SERP2: variants seen among roughly 807,000 people sequenced by gnomAD.
SERP2 encodes stress-associated endoplasmic reticulum protein 2.
Under a neutral mutation model 9.1 loss-of-function variants are expected in SERP2, and 6 were observed. The ratio of observed to expected loss-of-function variants is 0.66; its 90% confidence interval spans 0.36 to 1.30. SERP2 has a LOEUF of 1.30. Among genes scored for constraint, SERP2 ranks in the 50% most tolerant of loss-of-function variants. SERP2 has a pLI of 0.03. For missense variants in SERP2, 58 were observed against 81.9 expected (o/e 0.71, Z 1.13); for synonymous variants, 37 against 27.3 (o/e 1.35, Z -1.10).
Position 44,373,998 on chromosome 13 carries a change from G to A in SERP2, c.-28G>A, listed in dbSNP as rs1381251704. 36 of 1,580,258 alleles carry A rather than the reference G, an allele frequency of 2.3e-5. No homozygotes were observed. The highest frequency in any genetic ancestry group is 2.8e-5 in the Non-Finnish European group (33 of 1,161,154). ...AGCTAACGCAGGGGGAATCCTTGCAGGTGGGAGCATTTCAGAGCGCACAAG... is the reference window on the plus strand; with the variant it reads ...AGCTAACGCAGGGGGAATCCTTGCAAGTGGGAGCATTTCAGAGCGCACAAG... On this transcript the variant is annotated 5_prime_UTR_variant, in exon 1 of 3. Transcript: ENST00000379179. This position sits in a 1 kb window ranked among gnomAD's most constrained non-coding sequence, Gnocchi z 4.8.
At chr13:44,381,350 G>A (rs773709942) in intron 2 of SERP2, among the ~76,000 whole-genome samples, 4 of 151,788 alleles carry the variant, frequency 2.6e-5, no homozygotes, top group Non-Finnish European at 5.9e-5. Flanking sequence ...AGACCATCCT[G>A]GCCAACATGG....
intron 2 of SERP2, among the ~76,000 whole-genome samples, chr13:44,386,309 A>G (rs1182612581): frequency 2.0e-5 from 3 of 152,212 alleles, no homozygotes; most frequent in Non-Finnish European, 2.9e-5. Context: ...GGAATAGTAT[A>G]TTCTTCTGAG....
At chr13:44,377,233 A>G (rs1411151620) in intron 1 of SERP2, among the ~76,000 whole-genome samples, 1 of 152,248 alleles carries the variant, frequency 6.6e-6, no homozygotes, top group African/African-American at 2.4e-5. Context: ...TGAAAAATAA[A>G]GGACTCTATT....
At chr13:44,379,394 G>A (rs1871834386) in intron 1 of SERP2, among the ~76,000 whole-genome samples, 1 of 152,130 alleles carries the variant, frequency 6.6e-6, no homozygotes, top group Non-Finnish European at 1.5e-5. Context: ...TCTGTCCCCA[G>A]AATATTTAAG....
chr13:44,374,214 C>G (rs994790391), intron 1 of SERP2, 105 bp downstream of exon 1: 4 of 754,296 alleles, frequency 5.3e-6, no homozygotes, highest in Non-Finnish European at 7.7e-6. Context: ...TCCGGCCTCC[C>G]GGCTCCCGGC....
At chr13:44,385,283 T>C (rs1244981446) in intron 2 of SERP2, among the ~76,000 whole-genome samples, 1 of 152,128 alleles carries the variant, frequency 6.6e-6, no homozygotes, top group Non-Finnish European at 1.5e-5. Context: ...AGCAAGATAA[T>C]GAAAAGGAAG....
chr13:44,393,206 T>C (rs777131502), intron 2 of SERP2, among the ~76,000 whole-genome samples: 7 of 152,156 alleles, frequency 4.6e-5, no homozygotes, highest in Admixed American at 1.3e-4. Flanking sequence ...GACATGAGAA[T>C]AGCAGGTAAG....
In SERP2 at chr13:44,397,305, G is replaced by A; in HGVS notation, c.191G>A (p.Gly64Asp). 6.2e-7 allele frequency: 1 copy of A among 1,613,346 alleles called. No individual in the cohort carries two copies. The highest frequency in any genetic ancestry group is 8.5e-7 in the Non-Finnish European group (1 of 1,179,350). The change falls in exon 3 of 3, where the codon GGC (glycine) becomes GAC (aspartate). Residue 64 changes from glycine to aspartate, a missense_variant. Transcript: ENST00000379179. Reference sequence around the variant, plus strand: ...CAGATCATTCAGAGCATAAGGATGGGCATGTGAGAAAGCCAGGGATTTGAC... The same window carrying A: ...CAGATCATTCAGAGCATAAGGATGGACATGTGAGAAAGCCAGGGATTTGAC... ...IFQIIQSIRMGM is the reference protein window; with the variant it reads ...IFQIIQSIRMDM
chr13:44,373,986 G>A lies in SERP2; in HGVS notation c.-40G>A, dbSNP rs1871462706. 2 of 1,547,674 alleles carry A rather than the reference G, an allele frequency of 1.3e-6. No homozygotes were observed. Among genetic ancestry groups the A allele is most frequent in the South Asian group, 2.3e-5 (2 of 86,296 alleles). On this transcript the variant is annotated 5_prime_UTR_variant, in exon 1 of 3. Transcript: ENST00000379179. The surrounding 1 kb of genome is among the most constrained non-coding windows in gnomAD (Gnocchi z 4.8). ...CCCTGTCGCAGGAGCTAACGCAGGGGGAATCCTTGCAGGTGGGAGCATTTC... is the reference window on the plus strand; with the variant it reads ...CCCTGTCGCAGGAGCTAACGCAGGGAGAATCCTTGCAGGTGGGAGCATTTC...
At chr13:44,393,959 T>A (rs1872934320) in intron 2 of SERP2, among the ~76,000 whole-genome samples, 1 of 152,016 alleles carries the variant, frequency 6.6e-6, no homozygotes, top group African/African-American at 2.4e-5. Context: ...TCCAAGAAGG[T>A]TCATCTGTGA....
At chr13:44,383,915 G>C (rs960973106) in intron 2 of SERP2, among the ~76,000 whole-genome samples, 4 of 151,984 alleles carry the variant, frequency 2.6e-5, no homozygotes, top group South Asian at 2.1e-4. Context: ...TTGCTTTTAT[G>C]GAGAGGTTAG....
chr13:44,373,813 G>C, upstream of SERP2: 1 of 511,872 alleles, frequency 2.0e-6, no homozygotes, highest in Non-Finnish European at 3.4e-6. The surrounding 1 kb of genome is among the most constrained non-coding windows in gnomAD (Gnocchi z 4.8). Context: ...GGTTTCCTGA[G>C]ATGAGAGATT....
chr13:44,395,028 A>G lies in SERP2; in HGVS notation c.158-2244A>G, dbSNP rs189104616. Among the ~76,000 whole-genome samples the G allele has an allele frequency of 5.9e-5, 9 of 152,356 alleles. No homozygotes were observed. The East Asian group carries it at 1.7e-3, about 29-fold the overall frequency. ...CAGCAAAGAGCTGATATTCAACCCAATTCCATCTGATCCTAACTTTCTGCT... is the reference window on the plus strand; with the variant it reads ...CAGCAAAGAGCTGATATTCAACCCAGTTCCATCTGATCCTAACTTTCTGCT... On this transcript the variant is annotated intron_variant, in intron 2 of 2. Transcript: ENST00000379179.
chr13:44,383,650 C>T (rs867373782), intron 2 of SERP2, among the ~76,000 whole-genome samples: 25 of 148,318 alleles, frequency 1.7e-4, no homozygotes, highest in African/African-American at 4.7e-4. Context: ...CAGGTTCAAG[C>T]GATTCTCCTG....
At chr13:44,381,541 C>CA (rs945288890) in intron 2 of SERP2, among the ~76,000 whole-genome samples, 6 of 151,372 alleles carry the variant, frequency 4.0e-5, no homozygotes, top group South Asian at 2.1e-4. Context: ...GACTGCGTCT[C>CA]AAAAAAAAAG....
chr13:44,383,553 G>GT lies in SERP2; in HGVS notation c.157+3853dup, dbSNP rs71202275. 4.2e-4 allele frequency among the ~76,000 whole-genome samples: 55 copies of GT among 132,006 alleles called. 2 individuals carry two copies. The highest frequency in any genetic ancestry group is 1.3e-3 in the African/African-American group (45 of 34,314). The allele number at this position is 132,006 out of a possible 152,430, so 86.6% of individuals were successfully genotyped here. ...CTCTCTGGAGGTTTGCGTTTTTTTT[G>GT]TTTTTTTTTTTTTGAGACAGAGTCT... is the stretch of plus-strand genomic sequence containing the variant. On this transcript the variant is annotated intron_variant, in intron 2 of 2. Coordinates refer to ENST00000379179, the MANE Select transcript of SERP2 (RefSeq NM_001010897.3).
At chr13:44,384,929 G>A (rs563291925) in intron 2 of SERP2, among the ~76,000 whole-genome samples, 53 of 152,296 alleles carry the variant, frequency 3.5e-4, no homozygotes, top group African/African-American at 1.2e-3. Context: ...TGATTGGTTG[G>A]GCAAAGTGCT....
At chr13:44,378,470 C>T (rs1380895714) in intron 1 of SERP2, among the ~76,000 whole-genome samples, 1 of 152,100 alleles carries the variant, frequency 6.6e-6, no homozygotes, top group Non-Finnish European at 1.5e-5. Flanking sequence ...ATGTTGAATA[C>T]AATGTTTAAA....
Position 44,379,685 on chromosome 13 carries a change from A to G in SERP2, c.129A>G (p.Ala43=). ...EKYPVGPWLL[A]LFVFVVCGSA... ...ATCCTGTGGGACCATGGCTGTTGGC[A>G]CTGTTTGTTTTTGTTGTCTGTGGCT... The change falls in exon 2 of 3, where the codon GCA becomes GCG. Residue 43 remains alanine, a synonymous_variant. Coordinates refer to ENST00000379179, the MANE Select transcript of SERP2 (RefSeq NM_001010897.3). The G allele has an allele frequency of 1.9e-6, 3 of 1,613,180 alleles. No individual in the cohort carries two copies. The highest frequency in any genetic ancestry group is 2.5e-6 in the Non-Finnish European group (3 of 1,179,506).
Sources: allele counts gnomAD v4.1 joint callset (sites outside exome capture counted in the v4.1 genomes callset), GRCh38; gene constraint gnomAD v4.1.1; non-coding constraint Gnocchi (gnomAD v3.1); transcripts MANE v1.5; gene names NCBI Gene and HGNC (gene_info 2026-07-23, HGNC 2026-07-21).